The following ANKRD11 variants were observed in gnomAD, a reference collection of about 807,000 sequenced individuals.
ANKRD11 encodes the protein ankyrin repeat domain 11, also known as ankyrin repeat domain-containing protein 11.
A neutral mutation model predicts 195.7 loss-of-function variants in ANKRD11; 17 were observed. The ratio of observed to expected loss-of-function variants is 0.09; its 90% confidence interval spans 0.06 to 0.13. The LOEUF (loss-of-function observed/expected upper bound fraction) is 0.13. Among genes scored for constraint, ANKRD11 ranks in the 10% least tolerant of loss-of-function variants. The probability of loss-of-function intolerance (pLI) is 1.00; values close to 1 mark genes in which losing one functional copy is unlikely to be tolerated. For missense variants in ANKRD11, 3,735 were observed against 3,566.1 expected (o/e 1.05, Z -1.21); for synonymous variants, 1,953 against 1,528.1 (o/e 1.28, Z -6.49).
chr16:89,273,365 C>G (rs2033350267), intron 11 of ANKRD11, among the ~76,000 whole-genome samples: 1 of 152,162 alleles, frequency 6.6e-6, no homozygotes, highest in Non-Finnish European at 1.5e-5. Flanking sequence ...TATCAGCATC[C>G]AGCCCCCAAA....
At chr16:89,408,896 C>T (rs2042011012) in intron 2 of ANKRD11, among the ~76,000 whole-genome samples, 3 of 152,208 alleles carry the variant, frequency 2.0e-5, no homozygotes, top group Non-Finnish European at 2.9e-5. Flanking sequence ...GAGCATGTGC[C>T]TCTCACAGAC....
At chr16:89,478,428 G>A (rs1173735371) in intron 1 of ANKRD11, among the ~76,000 whole-genome samples, 1 of 151,948 alleles carries the variant, frequency 6.6e-6, no homozygotes, top group African/African-American at 2.4e-5. Context: ...GCAACCCGAC[G>A]CCTCCACACC....
At chr16:89,294,849 G>C (rs1597500330) in intron 4 of ANKRD11, among the ~76,000 whole-genome samples, 1 of 152,224 alleles carries the variant, frequency 6.6e-6, no homozygotes, top group Non-Finnish European at 1.5e-5. Context: ...TGAGAGGAGA[G>C]GCTGCAAAAC....
At chr16:89,354,598 C>G (rs1335432921) in intron 2 of ANKRD11, among the ~76,000 whole-genome samples, 2 of 152,182 alleles carry the variant, frequency 1.3e-5, no homozygotes, top group African/African-American at 4.8e-5. Context: ...AATACAAAAG[C>G]TGGCAGGGCA....
rs759279703 is a variant in ANKRD11, at chr16:89,280,008, A to G, written c.6534T>C (p.Asp2178=). 10 of 1,612,356 alleles carry G rather than the reference A, an allele frequency of 6.2e-6. No homozygotes were observed. In the African/African-American group the frequency reaches 1.2e-4, roughly 19 times the overall value. ...PGAPGVINGG[D]VSTVVAEEPP... ...GCTCCTCAGCCACTACGGTGGAAAC[A>G]TCCCCACCGTTTATGACCCCGGGGG... is the stretch of plus-strand genomic sequence containing the variant. The change falls in exon 9 of 13, where the codon GAT becomes GAC. Residue 2178 remains aspartate (D), a synonymous_variant. Coordinates refer to ENST00000301030, the MANE Select transcript of ANKRD11 (RefSeq NM_013275.6).
chr16:89,436,122 C>T (rs2043206116), intron 1 of ANKRD11, among the ~76,000 whole-genome samples: 1 of 152,114 alleles, frequency 6.6e-6, no homozygotes, highest in African/African-American at 2.4e-5. Flanking sequence ...TCTATTAAAA[C>T]ATGATAATTC....
In ANKRD11 at chr16:89,268,567, C is replaced by A; in HGVS notation, c.7903G>T (p.Gly2635Trp). The A allele has an allele frequency of 6.5e-7, 1 of 1,531,550 alleles. No individual in the cohort carries two copies. Among genetic ancestry groups the A allele is most frequent in the Non-Finnish European group, 8.8e-7 (1 of 1,130,566 alleles). 94.9% of individuals were successfully genotyped at this position (1,531,550 alleles called of 1,614,324 possible). ...TCGTTCACGCACAGGGACTTGTGCC[C>A]GGCGGGGTCCAGTTCCTGCACCTTC... The part of the protein sequence containing the change: ...QLKVQELDPA[G>W]HKSLCVNEVP... Residue 2635 changes from glycine to tryptophan, a missense_variant, in exon 13 of 13, where the codon GGG becomes TGG. Transcript: ENST00000301030.
intron 4 of ANKRD11, among the ~76,000 whole-genome samples, chr16:89,294,306 C>T (rs1224119397): frequency 1.3e-5 from 2 of 152,174 alleles, no homozygotes; most frequent in Non-Finnish European, 2.9e-5. Flanking sequence ...CTCTGCCCCA[C>T]ACTCAGGAAA....
chr16:89,332,835 G>A (rs2038137123), intron 2 of ANKRD11, among the ~76,000 whole-genome samples: 2 of 152,206 alleles, frequency 1.3e-5, no homozygotes. Flanking sequence ...CCTTAGAAAC[G>A]TCCATTTCTT....
chr16:89,418,469 A>G, intron 1 of ANKRD11, 101 bp from the exon 2 acceptor site: 1 of 346,086 alleles, frequency 2.9e-6, no homozygotes, highest in Non-Finnish European at 5.9e-6. Flanking sequence ...GGTTTATTCC[A>G]TCGCCCTTCC....
chr16:89,381,331 C>CAA lies in ANKRD11; in HGVS notation c.-60+36951_-60+36952dup, dbSNP rs10567322. Among the ~76,000 whole-genome samples the CAA allele has an allele frequency of 5.9e-3, 452 of 76,198 alleles. 3 individuals carry two copies. Among genetic ancestry groups the CAA allele is most frequent in the Non-Finnish European group, 8.2e-3 (350 of 42,524 alleles). 50.0% of individuals were successfully genotyped at this position (76,198 alleles called of 152,430 possible). ...TGGGCTACAGAGCGAGACTCTGCTG[C>CAA]AAAAAAAAAAAAAAAAAAAAAAAGG... On this transcript the variant is annotated intron_variant, in intron 2 of 12. Transcript: ENST00000301030.
At chr16:89,316,872 T>C in intron 3 of ANKRD11, 61 bp downstream of exon 3, 1 of 1,578,262 alleles carries the variant, frequency 6.3e-7, no homozygotes, top group Non-Finnish European at 8.6e-7. Flanking sequence ...CAGCACCCCA[T>C]TCCCACCTCA....
Position 89,291,978 on chromosome 16 carries a change from A to G in ANKRD11, c.227-795T>C, listed in dbSNP as rs1055431940. On this transcript the variant is annotated intron_variant, in intron 4 of 12. Coordinates refer to ENST00000301030, the MANE Select transcript of ANKRD11 (RefSeq NM_013275.6). This position sits in a 1 kb window ranked among gnomAD's most constrained non-coding sequence, Gnocchi z 5.3. ...GGGGAAGAGAAGACCCCAAGCACCA[A>G]GAGTCGGGGGCACAGAAGATGCCTC... is the stretch of plus-strand genomic sequence containing the variant. Among the ~76,000 whole-genome samples, 6 of 152,240 alleles carry G rather than the reference A, an allele frequency of 3.9e-5. No homozygotes were observed. Among genetic ancestry groups the G allele is most frequent in the African/African-American group, 1.4e-4 (6 of 41,464 alleles).
At chr16:89,424,429 A>G (rs1413060949) in intron 1 of ANKRD11, among the ~76,000 whole-genome samples, 1 of 135,318 alleles carries the variant, frequency 7.4e-6, no homozygotes, top group Non-Finnish European at 1.6e-5. Context: ...TGACAAGAGC[A>G]AAACTCTGTC....
At chr16:89,443,894 A>G (rs2043651799) in intron 1 of ANKRD11, among the ~76,000 whole-genome samples, 3 of 152,308 alleles carry the variant, frequency 2.0e-5, no homozygotes, top group South Asian at 4.1e-4. Context: ...AAGTGCCAAC[A>G]AAGCCTGTGC....
At chr16:89,370,485 G>A (rs1031988277) in intron 2 of ANKRD11, among the ~76,000 whole-genome samples, 2 of 152,182 alleles carry the variant, frequency 1.3e-5, no homozygotes, top group Admixed American at 6.5e-5. Context: ...CCAGGGCCTT[G>A]AGGCAAATTC....
At chr16:89,415,943 C>T (rs112472919) in intron 2 of ANKRD11, among the ~76,000 whole-genome samples, 232 of 151,924 alleles carry the variant, frequency 1.5e-3, no homozygotes, top group Non-Finnish European at 2.0e-3. Context: ...CCAACCTCTG[C>T]TCAGCAGGGC....
chr16:89,285,579 G>T lies in ANKRD11; in HGVS notation c.963C>A (p.Ser321=). The change falls in exon 9 of 13, where the codon TCC becomes TCA. Residue 321 remains serine, a synonymous_variant. Transcript: ENST00000301030. The surrounding 1 kb of genome is among the most constrained non-coding windows in gnomAD (Gnocchi z 5.6). The stretch of plus-strand genomic sequence containing the variant: ...TGTGCTTGAGGCCTTTTTCGAACTC[G>T]GAGTCCGTGTTGTTGCCGTCGACTG... ...SSSVDGNNTD[S]EFEKGLKHKA... The T allele has an allele frequency of 6.2e-7, 1 of 1,614,078 alleles. No individual in the cohort carries two copies. The highest frequency in any genetic ancestry group is 8.5e-7 in the Non-Finnish European group (1 of 1,180,008).
intron 2 of ANKRD11, among the ~76,000 whole-genome samples, chr16:89,388,882 G>A (rs1343333460): frequency 6.6e-6 from 1 of 152,190 alleles, no homozygotes; most frequent in Admixed American, 6.5e-5. Flanking sequence ...AATCCTAAAA[G>A]CAACAGCTGA....
Sources: gnomAD v4.1 joint callset for allele counts (sites outside exome capture counted in the v4.1 genomes callset) on GRCh38, gnomAD v4.1.1 for gene constraint, Gnocchi (gnomAD v3.1) non-coding constraint, MANE v1.5 for transcripts, NCBI Gene and HGNC (gene_info 2026-07-23, HGNC 2026-07-21) for gene names.